The following SLC1A1 variants were observed in gnomAD, a reference collection of about 807,000 sequenced individuals.
SLC1A1 encodes the protein solute carrier family 1 member 1, also known as excitatory amino acid transporter 3.
SLC1A1 carries 43 observed loss-of-function variants against 53.3 expected under a neutral mutation model. That is an observed-to-expected ratio of 0.81 (90% confidence interval 0.63 to 1.04). The LOEUF is 1.04. SLC1A1 is among the 50% of genes least tolerant of loss of function. SLC1A1 has a pLI of 0.00. For synonymous variants in SLC1A1, 307 were observed against 243.2 expected, an observed-to-expected ratio of 1.26 and a Z score of -2.44; for missense variants, 748 against 664.9, an observed-to-expected ratio of 1.12 and a Z score of -1.37.
At chr9:4,512,881 C>T (rs929617838) in intron 1 of SLC1A1, among the ~76,000 whole-genome samples, 2 of 152,140 alleles carry the variant, frequency 1.3e-5, no homozygotes, top group Admixed American at 1.3e-4. Context: ...CCTCCTGCTT[C>T]AGACTCTCAA....
intron 6 of SLC1A1, among the ~76,000 whole-genome samples, chr9:4,571,228 T>A (rs962593950): frequency 6.6e-6 from 1 of 152,086 alleles, no homozygotes; most frequent in Non-Finnish European, 1.5e-5. Context: ...CTGGGGCCTA[T>A]CAGAGGGTAG....
rs1291174137 is a variant in SLC1A1, at chr9:4,583,117, G to C, written c.1273G>C (p.Ala425Pro). The change falls in exon 11 of 12, where the codon GCC becomes CCC. Residue 425 changes from alanine (A) to proline (P), a missense_variant. Ala to Pro is a conservative substitution (Grantham distance 27, BLOSUM62 -1). Transcript: ENST00000262352. The surrounding 1 kb of genome is among the most constrained non-coding windows in gnomAD (Gnocchi z 4.6). ...GGTGACCATGGTGATTGTGCTGAGT[G>C]CCGTGGGCCTGCCCGCCGAGGATGT... ...GLVTMVIVLS[A>P]VGLPAEDVTL... The C allele has an allele frequency of 1.2e-6, 2 of 1,614,216 alleles. No homozygotes were observed. Among genetic ancestry groups the C allele is most frequent in the Admixed American group, 3.3e-5 (2 of 60,028 alleles).
intron 1 of SLC1A1, among the ~76,000 whole-genome samples, chr9:4,530,611 A>G (rs1816432752): frequency 6.6e-6 from 1 of 152,138 alleles, no homozygotes; most frequent in Non-Finnish European, 1.5e-5. Flanking sequence ...GGGAAAGATG[A>G]CTCAATGTAA....
In SLC1A1 at chr9:4,585,516, C is replaced by T; in HGVS notation, c.1533C>T (p.Asp511=). ...KSYVNGGFAV[D]KSDTISFTQT... is the part of the protein sequence containing the mutation. Reference sequence around the variant, plus strand: ...ATGTCAATGGAGGCTTTGCAGTAGACAAGTCTGACACCATCTCATTCACCC... The same window carrying T: ...ATGTCAATGGAGGCTTTGCAGTAGATAAGTCTGACACCATCTCATTCACCC... Residue 511 remains aspartate, a synonymous_variant, in exon 12 of 12, where the codon GAC becomes GAT. Coordinates refer to ENST00000262352, the MANE Select transcript of SLC1A1 (RefSeq NM_004170.6). The T allele has an allele frequency of 6.2e-7, 1 of 1,614,196 alleles. No individual in the cohort carries two copies. The highest frequency in any genetic ancestry group is 8.5e-7 in the Non-Finnish European group (1 of 1,180,022).
chr9:4,536,996 G>A (rs1816698719), intron 1 of SLC1A1, among the ~76,000 whole-genome samples: 2 of 151,922 alleles, frequency 1.3e-5, no homozygotes, highest in African/African-American at 4.8e-5. Context: ...TGAACAATGA[G>A]AACACTTGGA....
At position 4,490,629 on chromosome 9, in the gene SLC1A1, C is replaced by A. The variant is rs761973637; in HGVS notation, c.-51C>A. ...CGAGCAGCCAGCAGTCCCCGGGTCGCCCAGCCCACGCGCGCACGGCCGAGC... is the reference window on the plus strand; with the variant it reads ...CGAGCAGCCAGCAGTCCCCGGGTCGACCAGCCCACGCGCGCACGGCCGAGC... On this transcript the variant is annotated 5_prime_UTR_variant, in exon 1 of 12. Coordinates refer to ENST00000262352, the MANE Select transcript of SLC1A1 (RefSeq NM_004170.6). The A allele has an allele frequency of 2.8e-5, 43 of 1,522,446 alleles. 1 individual carries two copies. In the South Asian group the frequency reaches 4.3e-4, roughly 15 times the overall value. 94.3% of individuals were successfully genotyped at this position (1,522,446 alleles called of 1,614,324 possible).
intron 1 of SLC1A1, among the ~76,000 whole-genome samples, chr9:4,525,701 C>G (rs1396267186): frequency 6.6e-6 from 1 of 152,002 alleles, no homozygotes; most frequent in African/African-American, 2.4e-5. Context: ...ATTAAAAATT[C>G]AGTGAATGAA....
intron 2 of SLC1A1, among the ~76,000 whole-genome samples, chr9:4,558,376 A>C (rs1818624681): frequency 6.6e-6 from 1 of 152,204 alleles, no homozygotes; most frequent in Admixed American, 6.5e-5. Context: ...GTAGAGAAGT[A>C]TAATCGTTGA....
At chr9:4,502,709 T>A (rs1028798715) in intron 1 of SLC1A1, among the ~76,000 whole-genome samples, 1 of 151,742 alleles carries the variant, frequency 6.6e-6, no homozygotes, top group Non-Finnish European at 1.5e-5. Flanking sequence ...TTATTAATCA[T>A]TAAGCAAGTC....
intron 1 of SLC1A1, among the ~76,000 whole-genome samples, chr9:4,543,171 T>A (rs1817163277): frequency 6.6e-6 from 1 of 152,340 alleles, no homozygotes; most frequent in East Asian, 1.9e-4. Flanking sequence ...ATTCACATAT[T>A]CTTTCATTGC....
intron 1 of SLC1A1, among the ~76,000 whole-genome samples, chr9:4,501,200 T>C (rs62542052): frequency 0.16 from 24,680 of 151,750 alleles, 2,402 homozygotes; most frequent in South Asian, 0.34. Flanking sequence ...TTGTTTTGTT[T>C]TGAGACAGAG....
intron 2 of SLC1A1, among the ~76,000 whole-genome samples, chr9:4,550,558 T>A (rs909420211): frequency 2.6e-5 from 4 of 152,166 alleles, no homozygotes; most frequent in Non-Finnish European, 5.9e-5. Flanking sequence ...CATGCCTGGC[T>A]AATTCTTACT....
At chr9:4,502,502 A>G (rs1028926153) in intron 1 of SLC1A1, among the ~76,000 whole-genome samples, 1 of 150,904 alleles carries the variant, frequency 6.6e-6, no homozygotes, top group African/African-American at 2.5e-5. Flanking sequence ...ACCAACCCTA[A>G]TATCAATATT....
Position 4,576,110 on chromosome 9 carries a change from A to G in SLC1A1, c.985A>G (p.Met329Val), listed in dbSNP as rs781156198. Residue 329 changes from methionine to valine, a missense_variant, in exon 9 of 12, where the codon ATG becomes GTG. Coordinates refer to ENST00000262352, the MANE Select transcript of SLC1A1 (RefSeq NM_004170.6). ...GGCCCAGGCTCTCCTGACAGCTCTC[A>G]TGATCTCTTCCAGGTAAACAGAAGA... ...GMAQALLTAL[M>V]ISSSSATLPV... 1.2e-6 allele frequency: 2 copies of G among 1,613,794 alleles called. No homozygotes were observed. The highest frequency in any genetic ancestry group is 3.3e-5 in the Admixed American group (2 of 60,022).
chr9:4,517,912 T>G (rs1032229350), intron 1 of SLC1A1, among the ~76,000 whole-genome samples: 1 of 152,024 alleles, frequency 6.6e-6, no homozygotes, highest in Admixed American at 6.6e-5. Flanking sequence ...ATTGTTGAAA[T>G]GTATTTCAAC....
At chr9:4,566,913 T>C (rs1193458280) in intron 5 of SLC1A1, among the ~76,000 whole-genome samples, 1 of 152,188 alleles carries the variant, frequency 6.6e-6, no homozygotes, top group Non-Finnish European at 1.5e-5. Flanking sequence ...CACAGACTTC[T>C]GTGTATACCA....
At position 4,576,561 on chromosome 9, in the gene SLC1A1, TCA is replaced by T; in HGVS notation, c.999-3_999-2del. On this transcript the variant is annotated splice_polypyrimidine_tract_variant and splice_region_variant and intron_variant, in intron 9 of 11. Transcript: ENST00000262352. The stretch of plus-strand genomic sequence containing the variant: ...AGACATAAGTTCCTTTCTATTTTTA[TCA>T]CACAGTTCAGCAACACTGCCTGTCA... 2 of 1,612,720 alleles carry T rather than the reference TCA, an allele frequency of 1.2e-6. No homozygotes were observed. The highest frequency in any genetic ancestry group is 2.2e-5 in the South Asian group (2 of 91,052).
At chr9:4,518,254 A>G (rs1815933466) in intron 1 of SLC1A1, among the ~76,000 whole-genome samples, 1 of 151,022 alleles carries the variant, frequency 6.6e-6, no homozygotes, top group Admixed American at 6.6e-5. Flanking sequence ...AAAAAAAAAA[A>G]AAAAAGAATG....
At chr9:4,546,075 G>A (rs72691965) in intron 2 of SLC1A1, among the ~76,000 whole-genome samples, 5,110 of 152,200 alleles carry the variant, frequency 0.034, 136 homozygotes, top group South Asian at 0.054. Context: ...GGGAGGGTGG[G>A]GGTCAGGATC....
Sources: allele counts gnomAD v4.1 joint callset (sites outside exome capture counted in the v4.1 genomes callset), GRCh38; gene constraint gnomAD v4.1.1; non-coding constraint Gnocchi (gnomAD v3.1); transcripts MANE v1.5; gene names NCBI Gene and HGNC (gene_info 2026-07-23, HGNC 2026-07-21).